FER: variants seen among roughly 807,000 people sequenced by gnomAD.
FER encodes the protein FER tyrosine kinase.
In FER, 63 loss-of-function variants were observed where a neutral mutation model predicts 111.0. The observed-to-expected ratio is 0.57, with a 90% CI of 0.46 to 0.70. FER has a LOEUF of 0.70. FER is among the 30% of genes least tolerant of loss of function. The pLI is 0.00. For missense variants in FER, 914 were observed against 954.0 expected, an observed-to-expected ratio of 0.96 and a Z score of 0.55; for synonymous variants, 327 against 313.9, an observed-to-expected ratio of 1.04 and a Z score of -0.44.
At chr5:108,808,497 G>C (rs1757426165) in intron 3 of FER, among the ~76,000 whole-genome samples, 1 of 151,768 alleles carries the variant, frequency 6.6e-6, no homozygotes, top group South Asian at 2.1e-4. Flanking sequence ...CAACATGTAA[G>C]AATGGGTTTC....
intron 17 of FER, among the ~76,000 whole-genome samples, chr5:109,148,952 T>C (rs1439509910): frequency 6.6e-6 from 1 of 152,198 alleles, no homozygotes; most frequent in African/African-American, 2.4e-5. Context: ...GTTATAATAT[T>C]ACTTAAGAGA....
At chr5:108,785,174 C>G (rs1754548798) in intron 2 of FER, 3 of 614,572 alleles carry the variant, frequency 4.9e-6, no homozygotes, top group Non-Finnish European at 8.3e-6. Context: ...CCACATTGGC[C>G]ACACAGGTTA....
chr5:109,176,534 T>G (rs1024813152), intron 17 of FER, among the ~76,000 whole-genome samples: 2 of 152,090 alleles, frequency 1.3e-5, no homozygotes, highest in Non-Finnish European at 2.9e-5. Context: ...ACCAAAAATA[T>G]AGCTATATAG....
chr5:109,137,172 C>T (rs780283680), intron 17 of FER, among the ~76,000 whole-genome samples: 22 of 152,122 alleles, frequency 1.4e-4, no homozygotes, highest in Non-Finnish European at 2.4e-4. Context: ...ATGAAGGAAA[C>T]ATCCAACCTA....
At chr5:109,133,955 T>A (rs1752628880) in intron 17 of FER, among the ~76,000 whole-genome samples, 1 of 151,974 alleles carries the variant, frequency 6.6e-6, no homozygotes, top group Non-Finnish European at 1.5e-5. Context: ...GTATCCTTAA[T>A]TATTGACGAT....
chr5:108,941,011 A>G (rs967727587), intron 10 of FER, among the ~76,000 whole-genome samples: 2 of 152,116 alleles, frequency 1.3e-5, no homozygotes, highest in Admixed American at 1.3e-4. Context: ...CTTCTTAGGT[A>G]CATAAAGTAG....
chr5:108,905,408 A>G (rs1490017787), intron 10 of FER, among the ~76,000 whole-genome samples: 1 of 152,190 alleles, frequency 6.6e-6, no homozygotes, highest in Non-Finnish European at 1.5e-5. Context: ...CTAACTGGCC[A>G]GGGGTGAACT....
intron 5 of FER, among the ~76,000 whole-genome samples, chr5:108,843,565 C>T (rs1335686757): frequency 6.8e-6 from 1 of 147,964 alleles, no homozygotes; most frequent in African/African-American, 2.5e-5. Flanking sequence ...GAGTCTCGCT[C>T]TGTCGCCAGG....
chr5:108,894,521 G>A, intron 9 of FER: 1 of 398,548 alleles, frequency 2.5e-6, no homozygotes, highest in Non-Finnish European at 5.0e-6. Flanking sequence ...TTAGTTTGAT[G>A]TTGAGATACC....
chr5:109,058,755 C>T (rs1307138140), intron 16 of FER, among the ~76,000 whole-genome samples: 15 of 75,462 alleles, frequency 2.0e-4, no homozygotes, highest in Non-Finnish European at 2.9e-4. Context: ...TTTTTTGAGA[C>T]GGAGTCTAGC....
At chr5:108,956,080 C>T (rs773365952) in intron 12 of FER, among the ~76,000 whole-genome samples, 58 of 151,656 alleles carry the variant, frequency 3.8e-4, no homozygotes, top group Non-Finnish European at 7.7e-4. Context: ...TCGTAGTATT[C>T]AGACCTCAAC....
At chr5:108,771,386 G>A (rs62361331) in intron 2 of FER, among the ~76,000 whole-genome samples, 5,800 of 152,240 alleles carry the variant, frequency 0.038, 170 homozygotes, top group Middle Eastern at 0.088. Context: ...GAGTTTTAGA[G>A]CTGAGAGGTA....
rs1561679973 is a variant in FER at position 108,959,360 on chromosome 5, A to G, written c.1656+13A>G. The G allele has an allele frequency of 1.3e-6, 2 of 1,584,890 alleles. No homozygotes were observed. The highest frequency in any genetic ancestry group is 2.3e-5 in the East Asian group (1 of 44,076). ...TCCTATTCCTAAGGTAGGTGCTTATATACTTTTTTGTCTGTTTGTTTTAAA... is the reference window on the plus strand; with the variant it reads ...TCCTATTCCTAAGGTAGGTGCTTATGTACTTTTTTGTCTGTTTGTTTTAAA... On this transcript the variant is annotated intron_variant, in intron 13 of 19. Transcript: ENST00000281092.
At chr5:109,016,579 T>A (rs72790529) in intron 13 of FER, among the ~76,000 whole-genome samples, 7 of 151,978 alleles carry the variant, frequency 4.6e-5, no homozygotes, top group Non-Finnish European at 7.4e-5. Context: ...CTCTTATCAC[T>A]GATAAAGCCA....
chr5:109,023,043 G>C (rs1423035829), intron 13 of FER, among the ~76,000 whole-genome samples: 1 of 152,062 alleles, frequency 6.6e-6, no homozygotes, highest in Non-Finnish European at 1.5e-5. Flanking sequence ...TGTGTAAAAT[G>C]TATGTAAAGG....
chr5:108,830,123 G>C (rs1158195187), intron 3 of FER, among the ~76,000 whole-genome samples: 1 of 152,194 alleles, frequency 6.6e-6, no homozygotes, highest in Non-Finnish European at 1.5e-5. Context: ...TGGAAGGATA[G>C]ATTAGCAGAT....
chr5:109,155,178 G>A (rs1218588734), intron 17 of FER, among the ~76,000 whole-genome samples: 1 of 151,824 alleles, frequency 6.6e-6, no homozygotes, highest in Non-Finnish European at 1.5e-5. Context: ...CCATGTGCTC[G>A]GGAATGAAGA....
chr5:108,920,579 T>G (rs1450761651), intron 10 of FER, among the ~76,000 whole-genome samples: 1 of 152,140 alleles, frequency 6.6e-6, no homozygotes, highest in Non-Finnish European at 1.5e-5. Flanking sequence ...TGTGTTCACT[T>G]TCTTCCAAAT....
At chr5:108,843,596 C>T (rs1016396406) in intron 5 of FER, among the ~76,000 whole-genome samples, 8 of 140,612 alleles carry the variant, frequency 5.7e-5, no homozygotes, top group East Asian at 2.2e-4. Flanking sequence ...GTGGTGTGAT[C>T]TCGGGTCGCT....
Sources: gnomAD v4.1 joint callset for allele counts (sites outside exome capture counted in the v4.1 genomes callset) on GRCh38, gnomAD v4.1.1 for gene constraint, MANE v1.5 for transcripts, NCBI Gene and HGNC (gene_info 2026-07-23, HGNC 2026-07-21) for gene names.